Variants in SYNE2 observed in about 807,000 individuals in gnomAD.
SYNE2 encodes spectrin repeat containing nuclear envelope protein 2, also known as nesprin-2.
Under a neutral mutation model 856.3 loss-of-function variants are expected in SYNE2, and 431 were observed. That is an observed-to-expected ratio of 0.50 (90% CI 0.47 to 0.55). The LOEUF is 0.55. Among genes scored for constraint, SYNE2 ranks in the 20% least tolerant of loss-of-function variants. The probability of loss-of-function intolerance (pLI) is 0.00; values close to 1 mark genes in which losing one functional copy is unlikely to be tolerated. For synonymous variants in SYNE2, 2,923 were observed against 2,872.3 expected (o/e 1.02, Z -0.56); for missense variants, 8,129 against 8,023.2 (o/e 1.01, Z -0.50).
chr14:64,020,322 A>C, intron 35 of SYNE2, among the ~76,000 whole-genome samples: 1 of 152,180 alleles, frequency 6.6e-6, no homozygotes, highest in East Asian at 1.9e-4. Context: ...CAATAGCAAA[A>C]AAATTTCATA....
chr14:63,809,557 G>C (rs1888532503), intron 1 of SYNE2, among the ~76,000 whole-genome samples: 1 of 152,154 alleles, frequency 6.6e-6, no homozygotes, highest in East Asian at 1.9e-4. Flanking sequence ...ATAGCTCTCT[G>C]CATCCTCCAC....
intron 112 of SYNE2, among the ~76,000 whole-genome samples, chr14:64,222,122 G>A (rs1346524730): frequency 6.6e-6 from 1 of 152,172 alleles, no homozygotes; most frequent in Non-Finnish European, 1.5e-5. Flanking sequence ...GTGTCCTGGT[G>A]TATTTGTCAC....
intron 1 of SYNE2, among the ~76,000 whole-genome samples, chr14:63,866,594 A>G (rs1595291483): frequency 6.6e-6 from 1 of 152,224 alleles, no homozygotes; most frequent in Admixed American, 6.5e-5. Flanking sequence ...CTACTTTGTT[A>G]TAGCTTAAAA....
At chr14:63,849,580 G>C (rs1027356106), upstream of SYNE2, among the ~76,000 whole-genome samples, 3 of 152,000 alleles carry the variant, frequency 2.0e-5, no homozygotes, top group Non-Finnish European at 4.4e-5. Context: ...TTAAAACATG[G>C]CACCCAAGTA....
chr14:64,060,570 G>C (rs1489211442), intron 49 of SYNE2, among the ~76,000 whole-genome samples: 1 of 152,070 alleles, frequency 6.6e-6, no homozygotes, highest in Non-Finnish European at 1.5e-5. Flanking sequence ...TAGAAAGAAG[G>C]GGTCTCTTTT....
chr14:63,967,271 T>A (rs145451387), intron 10 of SYNE2, among the ~76,000 whole-genome samples: 1 of 152,342 alleles, frequency 6.6e-6, no homozygotes, highest in East Asian at 1.9e-4. Context: ...TAAAATGAAT[T>A]GGGAAGAATA....
At position 64,132,027 on chromosome 14, in the gene SYNE2, G is replaced by A. The variant is rs1407761054; in HGVS notation, c.14341-238G>A. ...CGGCTCACTGCAACCTCCGCCTCCC[G>A]GGTTCAAATGATTCTCCTGCCTCAG... On this transcript the variant is annotated intron_variant, in intron 76 of 115. Transcript: ENST00000555002. Among the ~76,000 whole-genome samples the A allele has an allele frequency of 6.6e-5, 10 of 151,880 alleles. No homozygotes were observed. In the East Asian group the frequency reaches 1.9e-3, roughly 29 times the overall value.
At chr14:64,129,273 C>T (rs1218292616) in intron 74 of SYNE2, among the ~76,000 whole-genome samples, 4 of 152,198 alleles carry the variant, frequency 2.6e-5, no homozygotes, top group African/African-American at 9.7e-5. Context: ...TGCCACTGCA[C>T]TCCAGCTTGG....
chr14:64,026,465 T>A (rs1431316306), intron 41 of SYNE2, 114 bp from the exon 42 acceptor site: 2 of 819,832 alleles, frequency 2.4e-6, no homozygotes, highest in African/African-American at 3.5e-5. Flanking sequence ...AAAGATTATG[T>A]TGAAATATAC....
intron 9 of SYNE2, 49 bp from the exon 10 acceptor site, chr14:63,963,850 A>C: frequency 7.0e-7 from 1 of 1,430,258 alleles, no homozygotes; most frequent in Non-Finnish European, 9.8e-7. Context: ...TTGTTAAAAA[A>C]ACCAAGCCCG....
In SYNE2 at chr14:64,140,016, G is replaced by A; in HGVS notation, c.14919G>A (p.Gln4973=). 1.2e-6 allele frequency: 2 copies of A among 1,614,014 alleles called. No individual in the cohort carries two copies. Among genetic ancestry groups the A allele is most frequent in the East Asian group, 2.2e-5 (1 of 44,862 alleles). ...SQHTLNYWKE[Q]SLNVSQDLDT... The stretch of plus-strand genomic sequence containing the variant: ...ATACTCTGAATTACTGGAAAGAACA[G>A]TCCCTCAATGTGTCTCAGGACTTGG... The change falls in exon 80 of 116, where the codon CAG becomes CAA. Residue 4973 remains glutamine (Q), a synonymous_variant. Transcript: ENST00000555002.
chr14:64,129,991 C>G, intron 75 of SYNE2, 57 bp from the exon 76 acceptor site: 1 of 1,613,272 alleles, frequency 6.2e-7, no homozygotes, highest in Non-Finnish European at 8.5e-7. Flanking sequence ...ATTTGTCTTT[C>G]AGTTATTGCC....
At chr14:63,936,843 G>T (rs1246220597) in intron 2 of SYNE2, among the ~76,000 whole-genome samples, 1 of 152,202 alleles carries the variant, frequency 6.6e-6, no homozygotes, top group East Asian at 1.9e-4. Flanking sequence ...CCAGGTGGAG[G>T]TGATGGTGAC....
Position 64,126,321 on chromosome 14 carries a change from A to AT in SYNE2, c.13555-4dup. On this transcript the variant is annotated splice_polypyrimidine_tract_variant and splice_region_variant and intron_variant, in intron 71 of 115. Transcript: ENST00000555002. ...ATTTTCTTTTTCTTTTTTCCTCTTG[A>AT]TTCAGGAAAATATGACAGAAGAAGC... 8.1e-6 allele frequency: 13 copies of AT among 1,612,772 alleles called. No homozygotes were observed. The highest frequency in any genetic ancestry group is 1.1e-5 in the Non-Finnish European group (13 of 1,178,762).
At chr14:64,212,746 A>C in intron 104 of SYNE2, 65 bp from the exon 105 acceptor site, 4 of 1,448,756 alleles carry the variant, frequency 2.8e-6, no homozygotes, top group Non-Finnish European at 3.9e-6. Flanking sequence ...CCCTGTTAGA[A>C]GAAACAGGCA....
rs368965565 is a variant in SYNE2, at chr14:64,029,886, T to C, written c.6715-9T>C. 1 of 1,612,574 alleles carries C rather than the reference T, an allele frequency of 6.2e-7. No individual in the cohort carries two copies. The highest frequency in any genetic ancestry group is 8.5e-7 in the Non-Finnish European group (1 of 1,179,246). On this transcript the variant is annotated splice_polypyrimidine_tract_variant and intron_variant, in intron 43 of 115. Transcript: ENST00000555002. ...ATAATTTGTAAATTGTCTGTGGCTT[T>C]ATTTTTAGGATTCTGTGCAAAACTT...
Position 64,121,230 on chromosome 14 carries a change from C to CA in SYNE2, c.13158+177dup, listed in dbSNP as rs372105048. ...CATAGCGAGACCCTGTTTCAAAAAC[C>CA]AAAAAAAAGGCCAGGCACAGTAGCT... On this transcript the variant is annotated intron_variant, in intron 68 of 115. Transcript: ENST00000555002. 8.6e-5 allele frequency among the ~76,000 whole-genome samples: 13 copies of CA among 151,272 alleles called. No individual in the cohort carries two copies. In the South Asian group the frequency reaches 1.0e-3, roughly 12 times the overall value.
At chr14:64,079,420 AT>A (rs1263812318) in intron 55 of SYNE2, among the ~76,000 whole-genome samples, 2 of 152,208 alleles carry the variant, frequency 1.3e-5, no homozygotes, top group East Asian at 3.9e-4. Context: ...TGTTTTAATA[AT>A]TTGGGGCTTT....
rs1307396820 is a variant in SYNE2 at position 64,119,601 on chromosome 14, G to A, written c.13015G>A (p.Glu4339Lys). 3.1e-6 allele frequency: 5 copies of A among 1,614,012 alleles called. No individual in the cohort carries two copies. The African/African-American group carries it at 5.3e-5, about 17-fold the overall frequency. ...GATGATGCTTCAGGAGAAGCACAGT[G>A]AAGATCAGGTAAAAAATGACTATCT... ...VQMMLQEKHS[E>K]DQHPTILKKS... Residue 4339 changes from glutamate (E) to lysine (K), a missense_variant, in exon 67 of 116, where the codon GAA becomes AAA. Coordinates refer to ENST00000555002, the MANE Select transcript of SYNE2 (RefSeq NM_182914.3).
Sources: allele counts gnomAD v4.1 joint callset (sites outside exome capture counted in the v4.1 genomes callset), GRCh38; gene constraint gnomAD v4.1.1; transcripts MANE v1.5; gene names NCBI Gene and HGNC (gene_info 2026-07-23, HGNC 2026-07-21).